The following PTPRT variants were observed in gnomAD, a reference collection of about 807,000 sequenced individuals.
PTPRT encodes the protein protein tyrosine phosphatase receptor type T.
PTPRT carries 56 observed loss-of-function variants against 176.8 expected under a neutral mutation model. That is an observed-to-expected ratio of 0.32 (90% confidence interval 0.26 to 0.40). The LOEUF is 0.40. PTPRT is among the 10% of genes least tolerant of loss of function. The probability of loss-of-function intolerance (pLI) is 1.00; values close to 1 mark genes in which losing one functional copy is unlikely to be tolerated. For synonymous variants in PTPRT, 783 were observed against 739.0 expected, an observed-to-expected ratio of 1.06 and a Z score of -0.96; for missense variants, 1,540 against 1,908.2, an observed-to-expected ratio of 0.81 and a Z score of 3.60.
At chr20:42,714,677 A>G (rs1261765329) in intron 6 of PTPRT, among the ~76,000 whole-genome samples, 4 of 152,226 alleles carry the variant, frequency 2.6e-5, no homozygotes, top group Non-Finnish European at 4.4e-5. Flanking sequence ...GAAGAAATAC[A>G]GAAGTGAGAC....
intron 1 of PTPRT, among the ~76,000 whole-genome samples, chr20:43,000,622 T>C (rs59567464): frequency 6.6e-6 from 1 of 152,094 alleles, no homozygotes; most frequent in African/African-American, 2.4e-5. Flanking sequence ...AAGTCAACAA[T>C]GTAATTATAA....
intron 7 of PTPRT, among the ~76,000 whole-genome samples, chr20:42,614,597 C>A (rs2074034173): frequency 6.6e-6 from 1 of 152,098 alleles, no homozygotes; most frequent in South Asian, 2.1e-4. Context: ...CTCCTCTATT[C>A]CCTCAACTTC....
intron 7 of PTPRT, among the ~76,000 whole-genome samples, chr20:42,595,542 C>T (rs376716255): frequency 6.6e-6 from 1 of 152,278 alleles, no homozygotes; most frequent in African/African-American, 2.4e-5. Flanking sequence ...CACACCTGAG[C>T]TAAGTGGTGC....
chr20:42,696,751 G>C (rs1016878871), intron 6 of PTPRT, among the ~76,000 whole-genome samples: 3 of 152,024 alleles, frequency 2.0e-5, no homozygotes, highest in Non-Finnish European at 4.4e-5. Flanking sequence ...CACCCCGCCC[G>C]GCCATGAATG....
chr20:42,042,302 A>G, the PTPRT span, among the ~76,000 whole-genome samples: 3 of 152,166 alleles, frequency 2.0e-5, no homozygotes, highest in African/African-American at 4.8e-5. Flanking sequence ...TTTCCTGGAG[A>G]TTAGGCCCAA....
At chr20:43,064,326 T>C (rs1987594812) in intron 1 of PTPRT, among the ~76,000 whole-genome samples, 1 of 152,200 alleles carries the variant, frequency 6.6e-6, no homozygotes, top group Non-Finnish European at 1.5e-5. Context: ...AAATCTTTAG[T>C]CCTGAATGAC....
intron 14 of PTPRT, among the ~76,000 whole-genome samples, chr20:42,246,301 C>T (rs1222344287): frequency 6.6e-6 from 1 of 151,884 alleles, no homozygotes; most frequent in Non-Finnish European, 1.5e-5. Flanking sequence ...CCCATTTTCT[C>T]CTCTTCTCCT....
chr20:43,106,666 GAAAAAAAAAAA>G (rs71193676), intron 1 of PTPRT, among the ~76,000 whole-genome samples: 1 of 87,002 alleles, frequency 1.1e-5, no homozygotes, highest in East Asian at 4.5e-4. Flanking sequence ...CTCAAAAAAA[GAAAAAAAAAAA>G]AAAAAAAAAG....
chr20:42,054,377 T>C, the PTPRT span, among the ~76,000 whole-genome samples: 3 of 152,216 alleles, frequency 2.0e-5, no homozygotes, highest in African/African-American at 7.2e-5. Context: ...TCTAAGTAGA[T>C]ATTTTGCACT....
At chr20:42,650,135 CAG>C (rs1165396975) in intron 7 of PTPRT, among the ~76,000 whole-genome samples, 5 of 152,324 alleles carry the variant, frequency 3.3e-5, no homozygotes, top group African/African-American at 9.6e-5. Flanking sequence ...AAGGTACAAA[CAG>C]ATATTGGTTA....
rs1568904323 is a variant in PTPRT at position 42,080,003 on chromosome 20, T to G, written c.*876A>C. On this transcript the variant is annotated 3_prime_UTR_variant, in exon 31 of 31. Transcript: ENST00000373187. ...TTCTTTTCACATACACTTTGGAAAA[T>G]AATCAAATCTTATCTTGTTTGTCTC... The G allele has an allele frequency of 4.3e-6, 1 of 232,064 alleles. No homozygotes were observed. 14.4% of individuals were successfully genotyped at this position (232,064 alleles called of 1,614,324 possible). A position where few individuals can be genotyped will look rare whatever the true frequency, so the allele number is the denominator to read the frequency against.
chr20:42,842,705 C>T (rs1569186151), intron 2 of PTPRT, among the ~76,000 whole-genome samples: 1 of 152,180 alleles, frequency 6.6e-6, no homozygotes, highest in African/African-American at 2.4e-5. Context: ...CAGGCATGAG[C>T]CACTGAGCCT....
intron 11 of PTPRT, among the ~76,000 whole-genome samples, chr20:42,338,320 A>T (rs758441971): frequency 1.7e-4 from 26 of 152,206 alleles, no homozygotes; most frequent in Non-Finnish European, 3.2e-4. Flanking sequence ...TGTCCCTGAT[A>T]GAGAGATGGT....
chr20:42,944,058 A>ACAAT (rs1234574574), intron 1 of PTPRT, among the ~76,000 whole-genome samples: 1 of 151,922 alleles, frequency 6.6e-6, no homozygotes, highest in Non-Finnish European at 1.5e-5. Flanking sequence ...AAACAAACAA[A>ACAAT]CAAACCTCCT....
rs201346966 is a variant in PTPRT, at chr20:42,248,766, C to T, written c.2233G>A (p.Val745Met). 3.8e-5 allele frequency: 61 copies of T among 1,614,048 alleles called. 1 individual carries two copies. In the South Asian group the frequency reaches 5.5e-4, roughly 15 times the overall value. ...VEPEKQVDNT[V>M]KMAGVIAGLL... is the part of the protein sequence containing the mutation. ...CCAGCGATCACGCCAGCCATCTTCA[C>T]GGTGTTGTCCACCTGCTTCTCTGGC... is the stretch of plus-strand genomic sequence containing the variant. Residue 745 changes from valine to methionine, a missense_variant, in exon 14 of 31, where the codon GTG (valine) becomes ATG (methionine). Physicochemically the swap from Val to Met is conservative, Grantham distance 21 (BLOSUM62 1). Coordinates refer to ENST00000373187, the MANE Select transcript of PTPRT (RefSeq NM_007050.6).
intron 7 of PTPRT, among the ~76,000 whole-genome samples, chr20:42,546,647 G>A (rs1159664135): frequency 2.0e-5 from 3 of 152,042 alleles, no homozygotes; most frequent in Admixed American, 6.5e-5. Context: ...GCTTAATCAC[G>A]TCTAGCTTTG....
intron 8 of PTPRT, among the ~76,000 whole-genome samples, chr20:42,469,155 T>C (rs571045530): frequency 6.6e-6 from 1 of 152,248 alleles, no homozygotes; most frequent in East Asian, 1.9e-4. Flanking sequence ...AATTTCTTTA[T>C]ATACCATGCC....
chr20:43,091,492 TTTC>T (rs1482484611), intron 1 of PTPRT, among the ~76,000 whole-genome samples: 30 of 121,718 alleles, frequency 2.5e-4, no homozygotes, highest in African/African-American at 6.4e-4. Flanking sequence ...TCTCTCTCTA[TTTC>T]TCTCTCTCTC....
intron 7 of PTPRT, among the ~76,000 whole-genome samples, chr20:42,559,347 G>A (rs947953842): frequency 1.3e-5 from 2 of 152,138 alleles, no homozygotes; most frequent in African/African-American, 2.4e-5. Flanking sequence ...AAGGCTAGAT[G>A]GGGGAAGCTT....
Sources: gnomAD v4.1 joint callset for allele counts (sites outside exome capture counted in the v4.1 genomes callset) on GRCh38, gnomAD v4.1.1 for gene constraint, MANE v1.5 for transcripts, NCBI Gene and HGNC (gene_info 2026-07-23, HGNC 2026-07-21) for gene names.